The following CHCHD3 variants were observed in gnomAD, a reference collection of about 807,000 sequenced individuals.
CHCHD3 encodes the protein MICOS complex subunit MIC19.
In CHCHD3, 20 loss-of-function variants were observed where a neutral mutation model predicts 38.2. That is an observed-to-expected ratio of 0.52 (90% CI 0.37 to 0.76). The LOEUF (loss-of-function observed/expected upper bound fraction) is 0.76. Ranked by LOEUF, CHCHD3 falls within the 30% of genes least tolerant of loss-of-function variation. CHCHD3 has a pLI of 0.00. For synonymous variants in CHCHD3, 82 were observed against 100.0 expected (o/e 0.82, Z 1.07); for missense variants, 245 against 279.2 (o/e 0.88, Z 0.87).
At chr7:132,889,018 C>T (rs1453545198) in intron 4 of CHCHD3, among the ~76,000 whole-genome samples, 1 of 151,950 alleles carries the variant, frequency 6.6e-6, no homozygotes, top group Non-Finnish European at 1.5e-5. Flanking sequence ...CTATAATGAA[C>T]AGTTAGTACT....
At chr7:132,811,258 C>A (rs527743840) in intron 6 of CHCHD3, among the ~76,000 whole-genome samples, 1 of 152,298 alleles carries the variant, frequency 6.6e-6, no homozygotes, top group Admixed American at 6.5e-5. Context: ...GATTTTCTCT[C>A]CTGAGATGGT....
intron 4 of CHCHD3, among the ~76,000 whole-genome samples, chr7:132,896,707 A>G (rs964144839): frequency 4.6e-5 from 7 of 152,366 alleles, no homozygotes; most frequent in Admixed American, 1.3e-4. Context: ...TATGAAAGAC[A>G]CAAGTGAATA....
At chr7:132,951,392 A>C (rs947273768) in intron 4 of CHCHD3, among the ~76,000 whole-genome samples, 1 of 152,202 alleles carries the variant, frequency 6.6e-6, no homozygotes, top group Non-Finnish European at 1.5e-5. Flanking sequence ...TTACTCTGAG[A>C]ATCTTCTTTC....
At chr7:132,902,657 C>T (rs921399194) in intron 4 of CHCHD3, among the ~76,000 whole-genome samples, 5 of 151,902 alleles carry the variant, frequency 3.3e-5, no homozygotes, top group African/African-American at 1.2e-4. Flanking sequence ...ATCACACACC[C>T]GGGCCTGTTG....
At chr7:132,868,836 A>G in intron 5 of CHCHD3, among the ~76,000 whole-genome samples, 1 of 152,092 alleles carries the variant, frequency 6.6e-6, no homozygotes, top group East Asian at 1.9e-4. Flanking sequence ...TGGCTGTCGG[A>G]GAGTAACTGC....
At chr7:132,951,968 A>G (rs1811046303) in intron 4 of CHCHD3, among the ~76,000 whole-genome samples, 1 of 152,214 alleles carries the variant, frequency 6.6e-6, no homozygotes, top group Admixed American at 6.5e-5. Flanking sequence ...ATCAAGGGAG[A>G]GGCCCAAGAG....
At chr7:132,920,582 T>A (rs1436044074) in intron 4 of CHCHD3, among the ~76,000 whole-genome samples, 1 of 152,208 alleles carries the variant, frequency 6.6e-6, no homozygotes, top group Non-Finnish European at 1.5e-5. Flanking sequence ...TGTTGTTTAT[T>A]TGTTTACTCT....
At chr7:133,045,947 C>G (rs754021126) in intron 2 of CHCHD3, among the ~76,000 whole-genome samples, 1 of 152,162 alleles carries the variant, frequency 6.6e-6, no homozygotes, top group Non-Finnish European at 1.5e-5. Context: ...CAGAAGCCAG[C>G]AGATACTGCC....
chr7:132,830,207 C>A (rs1474771615), intron 6 of CHCHD3, among the ~76,000 whole-genome samples: 1 of 152,112 alleles, frequency 6.6e-6, no homozygotes, highest in Non-Finnish European at 1.5e-5. Flanking sequence ...AAATGGGTAT[C>A]GTAAGAAATA....
intron 4 of CHCHD3, among the ~76,000 whole-genome samples, chr7:132,960,906 C>T (rs917819508): frequency 3.9e-5 from 6 of 152,024 alleles, no homozygotes; most frequent in African/African-American, 9.7e-5. Flanking sequence ...ACACCAGAAG[C>T]GGAGGTAGCA....
intron 3 of CHCHD3, among the ~76,000 whole-genome samples, chr7:133,017,968 G>T (rs1413908844): frequency 6.6e-6 from 1 of 152,154 alleles, no homozygotes; most frequent in East Asian, 1.9e-4. Context: ...TCACCTTCCA[G>T]TGAAAAATAC....
chr7:132,897,477 ATCAC>A (rs1428374947), intron 4 of CHCHD3, among the ~76,000 whole-genome samples: 3 of 152,196 alleles, frequency 2.0e-5, no homozygotes, highest in African/African-American at 7.2e-5. Flanking sequence ...ACATCCAGAG[ATCAC>A]TCAGTTCATT....
At chr7:132,898,337 T>C (rs542178515) in intron 4 of CHCHD3, among the ~76,000 whole-genome samples, 20 of 152,326 alleles carry the variant, frequency 1.3e-4, no homozygotes, top group African/African-American at 4.1e-4. Context: ...AGGGCGCTGA[T>C]TGGTGCGTTT....
chr7:133,058,445 G>A (rs1346386210), intron 2 of CHCHD3, among the ~76,000 whole-genome samples: 1 of 152,126 alleles, frequency 6.6e-6, no homozygotes, highest in African/African-American at 2.4e-5. Context: ...AGGGCTGCCA[G>A]AGGTATTTTG....
At chr7:132,934,028 G>A (rs1810577828) in intron 4 of CHCHD3, among the ~76,000 whole-genome samples, 1 of 152,178 alleles carries the variant, frequency 6.6e-6, no homozygotes. Context: ...TTCCACCCTG[G>A]CAGATTAAAG....
chr7:133,034,707 C>A (rs1244238729), intron 2 of CHCHD3: 2 of 1,613,196 alleles, frequency 1.2e-6, no homozygotes, highest in African/African-American at 1.3e-5. Flanking sequence ...CTCCTCTCTG[C>A]CAGGATCCAG....
chr7:133,035,053 A>C lies in CHCHD3; in HGVS notation c.170-10426T>G. ...GAGTACTTGCGCTTAAATTCATCCA[A>C]CACAAAGGTACTCTTGGGCAGGTGA... is the stretch of plus-strand genomic sequence containing the variant. On this transcript the variant is annotated intron_variant, in intron 2 of 7. Coordinates refer to ENST00000262570, the MANE Select transcript of CHCHD3 (RefSeq NM_017812.4). This position sits in a 1 kb window ranked among gnomAD's most constrained non-coding sequence, Gnocchi z 4.7. The C allele has an allele frequency of 2.5e-6, 4 of 1,613,610 alleles. No homozygotes were observed. Among genetic ancestry groups the C allele is most frequent in the Non-Finnish European group, 3.4e-6 (4 of 1,179,716 alleles).
chr7:132,787,743 C>T (rs552184129), intron 7 of CHCHD3, among the ~76,000 whole-genome samples: 4 of 151,976 alleles, frequency 2.6e-5, no homozygotes, highest in Non-Finnish European at 5.9e-5. Flanking sequence ...GATAGATTAT[C>T]CTAAAGTGTT....
chr7:132,885,264 G>C (rs1809175420), intron 5 of CHCHD3, among the ~76,000 whole-genome samples: 1 of 151,704 alleles, frequency 6.6e-6, no homozygotes, highest in African/African-American at 2.4e-5. Flanking sequence ...AAAGAAAAAA[G>C]CAAAAAAAGA....
Sources: gnomAD v4.1 joint callset for allele counts (sites outside exome capture counted in the v4.1 genomes callset) on GRCh38, gnomAD v4.1.1 for gene constraint, Gnocchi (gnomAD v3.1) non-coding constraint, MANE v1.5 for transcripts, NCBI Gene and HGNC (gene_info 2026-07-23, HGNC 2026-07-21) for gene names.